Variants in BEST3 observed in about 807,000 individuals in gnomAD.
The protein encoded by BEST3 is bestrophin-3.
Under a neutral mutation model 47.1 loss-of-function variants are expected in BEST3, and 50 were observed. The ratio of observed to expected loss-of-function variants is 1.06; its 90% CI spans 0.85 to 1.34. The LOEUF is 1.34. Ranked by LOEUF, BEST3 falls within the 40% of genes most tolerant of loss-of-function variation. The pLI is 0.00. For synonymous variants in BEST3, 282 were observed against 298.8 expected (o/e 0.94, Z 0.58); for missense variants, 765 against 817.0 (o/e 0.94, Z 0.78).
At chr12:69,673,477 G>A (rs1175132443) in intron 7 of BEST3, among the ~76,000 whole-genome samples, 1 of 152,098 alleles carries the variant, frequency 6.6e-6, no homozygotes, top group African/African-American at 2.4e-5. Flanking sequence ...TCGCCCTGTT[G>A]CCCAGGCTGG....
chr12:69,670,673 C>T (rs542164913), intron 9 of BEST3: 71 of 604,676 alleles, frequency 1.2e-4, no homozygotes, highest in East Asian at 8.0e-4. Context: ...TGCACAAATC[C>T]GCTTACAGCA....
chr12:69,678,899 C>A lies in BEST3; in HGVS notation c.482-6G>T, dbSNP rs775480706. 1 of 1,605,350 alleles carries A rather than the reference C, an allele frequency of 6.2e-7. No individual in the cohort carries two copies. The highest frequency in any genetic ancestry group is 1.1e-5 in the South Asian group (1 of 89,706). ...TTCATCTGTTGTCATAAAACCTTTA[C>A]AAAAAAATAAAAATCGGTAGGTATA... On this transcript the variant is annotated splice_polypyrimidine_tract_variant and splice_region_variant and intron_variant, in intron 4 of 9. Transcript: ENST00000330891.
intron 2 of BEST3, among the ~76,000 whole-genome samples, chr12:69,695,228 A>G (rs1405609374): frequency 1.3e-5 from 2 of 152,220 alleles, no homozygotes; most frequent in African/African-American, 2.4e-5. Flanking sequence ...AAAATACAGG[A>G]AGGAAAGCCA....
chr12:69,689,246 C>T, intron 4 of BEST3: 2 of 985,638 alleles, frequency 2.0e-6, no homozygotes, highest in Non-Finnish European at 2.4e-6. Context: ...GAAGCAGACC[C>T]CATGTGCAGA....
chr12:69,652,423 A>T (rs964305680), downstream of BEST3, among the ~76,000 whole-genome samples: 1 of 152,028 alleles, frequency 6.6e-6, no homozygotes, highest in Non-Finnish European at 1.5e-5. Flanking sequence ...TTGAGTAAAA[A>T]CTCATTTTAG....
At chr12:69,696,454 T>A (rs546097345) in intron 2 of BEST3, among the ~76,000 whole-genome samples, 1 of 152,330 alleles carries the variant, frequency 6.6e-6, no homozygotes. Flanking sequence ...AACACCATTG[T>A]ATCTTTTACC....
At chr12:69,647,212 G>T (rs1325062692) in intron 9 of BEST3, among the ~76,000 whole-genome samples, 1 of 152,186 alleles carries the variant, frequency 6.6e-6, no homozygotes, top group Admixed American at 6.5e-5. Context: ...CTCTGAATTT[G>T]CTCCTGCCTT....
rs1308828651 is a variant in BEST3 at position 69,694,361 on chromosome 12, T to C, written c.247+9A>G. The C allele has an allele frequency of 1.9e-6, 3 of 1,573,900 alleles. No individual in the cohort carries two copies. The highest frequency in any genetic ancestry group is 1.7e-6 in the Non-Finnish European group (2 of 1,148,866). On this transcript the variant is annotated intron_variant, in intron 3 of 9. Coordinates refer to ENST00000330891, the MANE Select transcript of BEST3 (RefSeq NM_032735.3). The stretch of plus-strand genomic sequence containing the variant: ...ATGTGGCTGCAATCTGCGTGTGACC[T>C]ATACTTACCAAGCACAAAGGTTACT...
At chr12:69,644,916 T>G (rs1882984381) in intron 9 of BEST3, among the ~76,000 whole-genome samples, 1 of 152,212 alleles carries the variant, frequency 6.6e-6, no homozygotes, top group Non-Finnish European at 1.5e-5. Context: ...ATTTATTCAA[T>G]TTACATTTTT....
At chr12:69,664,810 A>G (rs939556809) in intron 9 of BEST3, among the ~76,000 whole-genome samples, 1 of 151,922 alleles carries the variant, frequency 6.6e-6, no homozygotes, top group Non-Finnish European at 1.5e-5. Flanking sequence ...ATCCCATTCC[A>G]CAGACTTAGT....
At chr12:69,643,602 T>C in exon 10 of BEST3, 2 of 566,208 alleles carry the variant, frequency 3.5e-6, no homozygotes, top group Admixed American at 2.9e-5. Flanking sequence ...TGCTAAAAAG[T>C]GGAGAATGTT....
intron 9 of BEST3, among the ~76,000 whole-genome samples, chr12:69,668,490 A>C (rs1884364335): frequency 6.6e-6 from 1 of 152,168 alleles, no homozygotes; most frequent in Admixed American, 6.5e-5. Flanking sequence ...CTTAACTTTT[A>C]CCTTCCCCTT....
At chr12:69,689,255 G>T in intron 4 of BEST3, 1 of 985,710 alleles carries the variant, frequency 1.0e-6, no homozygotes, top group Non-Finnish European at 1.2e-6. Context: ...CCCATGTGCA[G>T]ACTCTGAGTC....
intron 9 of BEST3, chr12:69,660,831 G>A (rs1883829978): frequency 6.6e-6 from 1 of 152,148 alleles, no homozygotes; most frequent in South Asian, 2.1e-4. Context: ...TATTTCCACA[G>A]GTTAGGTAGA....
chr12:69,697,902 G>T, intron 1 of BEST3, 89 bp from the exon 2 acceptor site: 1 of 1,020,644 alleles, frequency 9.8e-7, no homozygotes, highest in Non-Finnish European at 1.4e-6. Context: ...GGAAATTCAA[G>T]CCAGCAACTA....
intron 4 of BEST3, among the ~76,000 whole-genome samples, chr12:69,685,380 A>C (rs1885517018): frequency 6.6e-6 from 1 of 152,204 alleles, no homozygotes; most frequent in Non-Finnish European, 1.5e-5. Flanking sequence ...CCTGGGTAGA[A>C]TAGATCTGAG....
rs753214336 is a variant in BEST3, at chr12:69,697,749, A to T, written c.50T>A (p.Phe17Tyr). ...TCTCCACTTGAGGAGTAACCTATGAAATCCAAAAAAAGTTGCATTTGCTAC... is the reference window on the plus strand; with the variant it reads ...TCTCCACTTGAGGAGTAACCTATGATATCCAAAAAAAGTTGCATTTGCTAC... ...SKVANATFFG[F>Y]HRLLLKWRGS... is the part of the protein sequence containing the mutation. Residue 17 changes from phenylalanine (F) to tyrosine (Y), a missense_variant, in exon 2 of 10, where the codon TTT becomes TAT. Transcript: ENST00000330891. 6 of 1,613,102 alleles carry T rather than the reference A, an allele frequency of 3.7e-6. No individual in the cohort carries two copies. In the Admixed American group the frequency reaches 1.0e-4, roughly 27 times the overall value.
chr12:69,672,147 A>T (rs1884615804), intron 8 of BEST3, among the ~76,000 whole-genome samples: 1 of 152,168 alleles, frequency 6.6e-6, no homozygotes, highest in South Asian at 2.1e-4. Context: ...ATCCTCTGGG[A>T]TTCCAATTTT....
At chr12:69,681,344 C>T (rs914738592) in intron 4 of BEST3, among the ~76,000 whole-genome samples, 1 of 152,176 alleles carries the variant, frequency 6.6e-6, no homozygotes, top group East Asian at 1.9e-4. Flanking sequence ...TTGCCGGGTG[C>T]AGTGGCTCAT....
Sources: gnomAD v4.1 joint callset for allele counts (sites outside exome capture counted in the v4.1 genomes callset) on GRCh38, gnomAD v4.1.1 for gene constraint, MANE v1.5 for transcripts, NCBI Gene and HGNC (gene_info 2026-07-23, HGNC 2026-07-21) for gene names.